DACH1: variants seen among roughly 807,000 people sequenced by gnomAD.
The protein encoded by DACH1 is dachshund homolog 1.
DACH1 carries 12 observed loss-of-function variants against 54.2 expected under a neutral mutation model. That is an observed-to-expected ratio of 0.22 (90% CI 0.14 to 0.36). The LOEUF (loss-of-function observed/expected upper bound fraction) is 0.36. DACH1 is among the 10% of genes least tolerant of loss of function. The pLI, the probability that DACH1 is intolerant of heterozygous loss-of-function variation, is 1.00. For missense variants in DACH1, 805 were observed against 929.8 expected, an observed-to-expected ratio of 0.87 and a Z score of 1.75; for synonymous variants, 386 against 366.2, an observed-to-expected ratio of 1.05 and a Z score of -0.62.
intron 1 of DACH1, among the ~76,000 whole-genome samples, chr13:71,703,625 C>T (rs1882276243): frequency 6.6e-6 from 1 of 152,208 alleles, no homozygotes; most frequent in Non-Finnish European, 1.5e-5. Context: ...AGCTCAACTG[C>T]AGATAGAATG....
chr13:71,741,261 T>C (rs1288908232), intron 1 of DACH1, among the ~76,000 whole-genome samples: 1 of 152,182 alleles, frequency 6.6e-6, no homozygotes, highest in East Asian at 1.9e-4. Context: ...ATTCAATAAT[T>C]GACTTTTTAA....
At chr13:71,821,985 C>T (rs111360737) in intron 1 of DACH1, among the ~76,000 whole-genome samples, 4 of 152,108 alleles carry the variant, frequency 2.6e-5, no homozygotes, top group East Asian at 1.9e-4. Flanking sequence ...TGCTTGAACC[C>T]GAAAGGCAGA....
In DACH1 at chr13:71,438,443, G is replaced by T. The variant is rs1043471833; in HGVS notation, c.*2212C>A. On this transcript the variant is annotated 3_prime_UTR_variant, in exon 11 of 11. Transcript: ENST00000613252. ...GACTTACAATAACATTTCATGAATT[G>T]TAATATTTACAACATGTTAGTAAGA... 6.6e-6 allele frequency: 1 copy of T among 152,402 alleles called. No individual in the cohort carries two copies. Among genetic ancestry groups the T allele is most frequent in the South Asian group, 2.1e-4 (1 of 4,830 alleles). The allele number at this position is 152,402 out of a possible 1,614,324, so 9.4% of individuals were successfully genotyped here.
At chr13:71,636,965 G>A (rs1447780220) in intron 2 of DACH1, among the ~76,000 whole-genome samples, 1 of 151,932 alleles carries the variant, frequency 6.6e-6, no homozygotes, top group Non-Finnish European at 1.5e-5. Context: ...TTTTACCTTT[G>A]CTAGTCAATT....
chr13:71,511,792 A>G (rs1880794835), intron 6 of DACH1, among the ~76,000 whole-genome samples: 1 of 152,020 alleles, frequency 6.6e-6, no homozygotes, highest in African/African-American at 2.4e-5. Context: ...GCCTTTAACT[A>G]GATTTCCAAC....
At chr13:71,840,408 A>G (rs1272065398) in intron 1 of DACH1, among the ~76,000 whole-genome samples, 1 of 152,222 alleles carries the variant, frequency 6.6e-6, no homozygotes, top group Non-Finnish European at 1.5e-5. Context: ...TATCTACAAT[A>G]TAAAGTTCAA....
At chr13:71,743,138 A>C (rs932452535) in intron 1 of DACH1, among the ~76,000 whole-genome samples, 9 of 152,184 alleles carry the variant, frequency 5.9e-5, no homozygotes, top group Non-Finnish European at 2.9e-5. Context: ...GCAAGGCTGT[A>C]TAATACACTT....
At chr13:71,688,137 G>A (rs1223256968) in intron 1 of DACH1, among the ~76,000 whole-genome samples, 2 of 152,112 alleles carry the variant, frequency 1.3e-5, no homozygotes, top group Non-Finnish European at 2.9e-5. Flanking sequence ...TTATCCTTGT[G>A]AGAACTATAA....
intron 1 of DACH1, among the ~76,000 whole-genome samples, chr13:71,725,071 C>A (rs1361738244): frequency 6.6e-6 from 1 of 151,594 alleles, no homozygotes; most frequent in African/African-American, 2.4e-5. Context: ...GAAACTGAAA[C>A]TGTAAAAAAA....
chr13:71,863,314 G>A (rs2138297511), intron 1 of DACH1, among the ~76,000 whole-genome samples: 1 of 152,182 alleles, frequency 6.6e-6, no homozygotes, highest in Non-Finnish European at 1.5e-5. Flanking sequence ...GTAGGTATTT[G>A]CAACTAAACA....
At chr13:71,645,657 C>T (rs116713560) in intron 2 of DACH1, among the ~76,000 whole-genome samples, 509 of 152,204 alleles carry the variant, frequency 3.3e-3, no homozygotes, top group African/African-American at 0.011. Flanking sequence ...ACAGTAACTC[C>T]GACTAGTGTT....
intron 1 of DACH1, among the ~76,000 whole-genome samples, chr13:71,764,029 A>G (rs1257720084): frequency 1.3e-5 from 2 of 152,184 alleles, no homozygotes; most frequent in African/African-American, 2.4e-5. Flanking sequence ...ATGGCTGTAG[A>G]GCAAATATCA....
intron 1 of DACH1, among the ~76,000 whole-genome samples, chr13:71,773,446 A>G (rs1885941209): frequency 6.6e-6 from 1 of 151,892 alleles, no homozygotes; most frequent in Non-Finnish European, 1.5e-5. Context: ...TCTAGCATTA[A>G]TACTGTGTTC....
intron 2 of DACH1, among the ~76,000 whole-genome samples, chr13:71,645,207 A>C (rs544413760): frequency 1.1e-4 from 16 of 152,144 alleles, no homozygotes; most frequent in Non-Finnish European, 2.1e-4. Context: ...CAATTGATAA[A>C]CATGATTCTC....
chr13:71,730,078 T>C (rs879402298), intron 1 of DACH1, among the ~76,000 whole-genome samples: 49 of 152,140 alleles, frequency 3.2e-4, no homozygotes, highest in Non-Finnish European at 6.6e-4. Context: ...ATCTTATAAC[T>C]AGAAAAATAA....
intron 1 of DACH1, among the ~76,000 whole-genome samples, chr13:71,823,594 A>G (rs1888275078): frequency 6.6e-6 from 1 of 152,040 alleles, no homozygotes; most frequent in South Asian, 2.1e-4. Flanking sequence ...GTCATTTAGC[A>G]TATATCACAG....
chr13:71,813,507 A>C (rs1304536029), intron 1 of DACH1, among the ~76,000 whole-genome samples: 2 of 152,076 alleles, frequency 1.3e-5, no homozygotes, highest in Non-Finnish European at 2.9e-5. Context: ...CTATATTTCC[A>C]CTAATGAGGT....
At chr13:71,776,396 T>C (rs1886067031) in intron 1 of DACH1, among the ~76,000 whole-genome samples, 1 of 152,124 alleles carries the variant, frequency 6.6e-6, no homozygotes, top group Admixed American at 6.6e-5. Flanking sequence ...CTATGTATAA[T>C]TGAGTTTATT....
At chr13:71,651,224 G>A (rs889960349) in intron 2 of DACH1, among the ~76,000 whole-genome samples, 2 of 151,960 alleles carry the variant, frequency 1.3e-5, no homozygotes, top group African/African-American at 4.8e-5. Context: ...CATGAGGGCA[G>A]GGCACGGTGG....
Sources: allele counts gnomAD v4.1 joint callset (sites outside exome capture counted in the v4.1 genomes callset), GRCh38; gene constraint gnomAD v4.1.1; transcripts MANE v1.5; gene names NCBI Gene and HGNC (gene_info 2026-07-23, HGNC 2026-07-21).